The following KCNMA1 variants were observed in gnomAD, a reference collection of about 807,000 sequenced individuals.
The protein encoded by KCNMA1 is Calcium-activated potassium channel subunit alpha-1.
A neutral mutation model predicts 140.0 loss-of-function variants in KCNMA1; 29 were observed. The observed-to-expected ratio is 0.21, with a 90% CI of 0.15 to 0.28. KCNMA1 has a LOEUF of 0.28. Among genes scored for constraint, KCNMA1 ranks in the 10% least tolerant of loss-of-function variants. The pLI is 1.00. For synonymous variants in KCNMA1, 612 were observed against 611.9 expected, an observed-to-expected ratio of 1.00 and a Z score of 0.00; for missense variants, 880 against 1,602.2, an observed-to-expected ratio of 0.55 and a Z score of 7.70.
intron 2 of KCNMA1, among the ~76,000 whole-genome samples, chr10:77,261,045 G>T (rs1319832791): frequency 6.6e-6 from 1 of 152,062 alleles, no homozygotes; most frequent in East Asian, 1.9e-4. Flanking sequence ...GAAAGACCGG[G>T]TCTCTGTCAG....
intron 5 of KCNMA1, among the ~76,000 whole-genome samples, chr10:77,128,422 A>AT (rs1275230876): frequency 1.8e-4 from 12 of 67,788 alleles, no homozygotes; most frequent in Middle Eastern, 9.1e-3. Flanking sequence ...TACTGCATCT[A>AT]TTTTTTTTTC....
At chr10:77,251,973 G>T (rs2059753542) in intron 2 of KCNMA1, among the ~76,000 whole-genome samples, 1 of 152,218 alleles carries the variant, frequency 6.6e-6, no homozygotes, top group South Asian at 2.1e-4. Flanking sequence ...TTCACTGCAT[G>T]TATGATCTAT....
intron 25 of KCNMA1, among the ~76,000 whole-genome samples, chr10:76,894,888 C>A (rs2041821569): frequency 6.6e-6 from 1 of 152,078 alleles, no homozygotes; most frequent in South Asian, 2.1e-4. Flanking sequence ...TAAAGTGGTG[C>A]AGTTAAGGGA....
intron 12 of KCNMA1, among the ~76,000 whole-genome samples, chr10:77,080,302 T>C (rs2096532300): frequency 6.6e-6 from 1 of 152,224 alleles, no homozygotes. Context: ...TGCTACTCTA[T>C]GGTGTAGCCC....
intron 1 of KCNMA1, among the ~76,000 whole-genome samples, chr10:77,617,893 G>A (rs2090116634): frequency 6.6e-6 from 1 of 152,130 alleles, no homozygotes; most frequent in African/African-American, 2.4e-5. Flanking sequence ...TGTGGGACTC[G>A]GGAGCCCCTT....
At chr10:77,301,576 C>T (rs1175077176) in intron 2 of KCNMA1, among the ~76,000 whole-genome samples, 1 of 151,892 alleles carries the variant, frequency 6.6e-6, no homozygotes, top group Admixed American at 6.6e-5. Context: ...CTTGTTTCCT[C>T]TCCATCTTCT....
intron 14 of KCNMA1, among the ~76,000 whole-genome samples, chr10:77,067,304 A>G (rs569671082): frequency 6.6e-6 from 1 of 152,308 alleles, no homozygotes; most frequent in South Asian, 2.1e-4. Flanking sequence ...AAGCTGGGAC[A>G]TCAGTCTCCT....
intron 1 of KCNMA1, among the ~76,000 whole-genome samples, chr10:77,577,797 T>A (rs991069001): frequency 2.6e-5 from 4 of 152,136 alleles, no homozygotes; most frequent in African/African-American, 9.7e-5. Context: ...GCTGGTGACA[T>A]CCCCCTGCCC....
rs2036255836 is a variant in KCNMA1, at chr10:76,885,106, T to C, written c.*2160A>G. The C allele has an allele frequency of 6.6e-7, 1 of 1,517,226 alleles. No homozygotes were observed. The highest frequency in any genetic ancestry group is 2.1e-5 in the Admixed American group (1 of 46,520). The allele number at this position is 1,517,226 out of a possible 1,614,324, so 94.0% of individuals were successfully genotyped here. On this transcript the variant is annotated 3_prime_UTR_variant, in exon 28 of 28. Coordinates refer to ENST00000286628, the MANE Select transcript of KCNMA1 (RefSeq NM_001161352.2). ...GAGCACTTTAACTGGCACATTCTTA[T>C]AGTTATAAATGTTCTGAGGGCGTAA...
intron 14 of KCNMA1, among the ~76,000 whole-genome samples, chr10:77,040,548 T>G (rs2094608776): frequency 6.6e-6 from 1 of 152,224 alleles, no homozygotes; most frequent in Non-Finnish European, 1.5e-5. Flanking sequence ...TCCTATTTTT[T>G]TAGATGGCCT....
At chr10:77,320,851 C>G (rs1341884000) in intron 2 of KCNMA1, among the ~76,000 whole-genome samples, 3 of 152,196 alleles carry the variant, frequency 2.0e-5, no homozygotes, top group Non-Finnish European at 4.4e-5. Context: ...CACGGCCTGT[C>G]CTGAACAAAT....
chr10:77,507,257 T>A (rs1259239662), intron 1 of KCNMA1, among the ~76,000 whole-genome samples: 2 of 151,052 alleles, frequency 1.3e-5, no homozygotes, highest in Non-Finnish European at 2.9e-5. Flanking sequence ...GGCTCCCTGT[T>A]AAACAGAATA....
At chr10:77,284,521 T>C (rs1006815577) in intron 2 of KCNMA1, among the ~76,000 whole-genome samples, 1 of 152,124 alleles carries the variant, frequency 6.6e-6, no homozygotes, top group African/African-American at 2.4e-5. Flanking sequence ...TTATTATTAT[T>C]ATTATTGCTC....
At position 76,960,241 on chromosome 10, in the gene KCNMA1, A is replaced by G. The variant is rs115968519; in HGVS notation, c.2361-6317T>C. On this transcript the variant is annotated intron_variant, in intron 20 of 27. Coordinates refer to ENST00000286628, the MANE Select transcript of KCNMA1 (RefSeq NM_001161352.2). ...AGAAATTCAGTGTGCCTAAAGTCTAATAAGGAACACAGGCATGGCCAAGTA... is the reference window on the plus strand; with the variant it reads ...AGAAATTCAGTGTGCCTAAAGTCTAGTAAGGAACACAGGCATGGCCAAGTA... Among the ~76,000 whole-genome samples, 381 of 152,318 alleles carry G rather than the reference A, an allele frequency of 2.5e-3. 1 individual carries two copies. The highest frequency in any genetic ancestry group is 8.6e-3 in the African/African-American group (359 of 41,570).
rs572558908 is a variant in KCNMA1 at position 77,107,125 on chromosome 10, C to T, written c.1223+1356G>A. 7.7e-4 allele frequency among the ~76,000 whole-genome samples: 118 copies of T among 152,288 alleles called. 1 individual carries two copies. Among genetic ancestry groups the T allele is most frequent in the Non-Finnish European group, 1.4e-3 (98 of 68,032 alleles). Reference sequence around the variant, plus strand: ...AGGGGAGGGTCCACTCTGTCCCACACGGCTGACTGTCAAAAAGAGAAGGCA... The same window carrying T: ...AGGGGAGGGTCCACTCTGTCCCACATGGCTGACTGTCAAAAAGAGAAGGCA... On this transcript the variant is annotated intron_variant, in intron 9 of 27. Coordinates refer to ENST00000286628, the MANE Select transcript of KCNMA1 (RefSeq NM_001161352.2).
chr10:77,637,061 G>T, intron 1 of KCNMA1: 2 of 1,375,026 alleles, frequency 1.5e-6, no homozygotes, highest in Non-Finnish European at 1.9e-6. Context: ...CGCACTGGCT[G>T]GGGGCAACTC....
At chr10:77,159,046 ATTCT>A (rs1471051217) in intron 5 of KCNMA1, among the ~76,000 whole-genome samples, 1 of 152,192 alleles carries the variant, frequency 6.6e-6, no homozygotes, top group Non-Finnish European at 1.5e-5. Flanking sequence ...TTTTTTCCCC[ATTCT>A]TTTTTGAAGC....
intron 23 of KCNMA1, among the ~76,000 whole-genome samples, chr10:76,936,516 G>A (rs76389665): frequency 3.3e-5 from 5 of 152,260 alleles, no homozygotes; most frequent in South Asian, 2.1e-4. Flanking sequence ...AGCTTTGTTC[G>A]TTTAGTGGGT....
chr10:77,194,059 G>A (rs1453953617), intron 3 of KCNMA1, among the ~76,000 whole-genome samples: 5 of 152,112 alleles, frequency 3.3e-5, no homozygotes, highest in African/African-American at 9.7e-5. Flanking sequence ...AGCCATTGGG[G>A]AGCAACAGCC....
Sources: gnomAD v4.1 joint callset for allele counts (sites outside exome capture counted in the v4.1 genomes callset) on GRCh38, gnomAD v4.1.1 for gene constraint, MANE v1.5 for transcripts, NCBI Gene and HGNC (gene_info 2026-07-23, HGNC 2026-07-21) for gene names.